Variants in NRG1 observed in about 807,000 individuals in gnomAD.
The protein encoded by NRG1 is neuregulin 1.
NRG1 carries 18 observed loss-of-function variants against 63.8 expected under a neutral mutation model. That is an observed-to-expected ratio of 0.28 (90% CI 0.19 to 0.42). The LOEUF is 0.42. NRG1 is among the 10% of genes least tolerant of loss of function. The pLI is 1.00. For missense variants in NRG1, 762 were observed against 814.7 expected, an observed-to-expected ratio of 0.94 and a Z score of 0.79; for synonymous variants, 302 against 301.3, an observed-to-expected ratio of 1.00 and a Z score of -0.02.
At chr8:32,521,688 G>C (rs1489719879) in intron 1 of NRG1, among the ~76,000 whole-genome samples, 1 of 152,162 alleles carries the variant, frequency 6.6e-6, no homozygotes, top group African/African-American at 2.4e-5. Flanking sequence ...TTCAAAGATT[G>C]AAACTGAGTG....
At chr8:32,466,894 G>A (rs1175946549) in intron 1 of NRG1, among the ~76,000 whole-genome samples, 1 of 151,876 alleles carries the variant, frequency 6.6e-6, no homozygotes, top group East Asian at 1.9e-4. Flanking sequence ...TAAGTAGAAT[G>A]ATAATATTAT....
intron 1 of NRG1, among the ~76,000 whole-genome samples, chr8:32,334,398 G>A (rs1167153668): frequency 1.3e-5 from 2 of 152,186 alleles, no homozygotes; most frequent in Non-Finnish European, 2.9e-5. Flanking sequence ...GAGGAGCAAA[G>A]TCTCTGATCA....
intron 1 of NRG1, among the ~76,000 whole-genome samples, chr8:31,848,652 T>TCAG (rs1046837528): frequency 6.6e-6 from 1 of 152,134 alleles, no homozygotes; most frequent in African/African-American, 2.4e-5. Flanking sequence ...TCCTGTCAGA[T>TCAG]CAGCAGCAGC....
rs140522969 is a variant in NRG1 at position 31,996,212 on chromosome 8, G to A, written c.37+356781G>A. Reference sequence around the variant, plus strand: ...TCATAAAATTTATACAGTCTTTAAGGTGCAAACACCTTGAAGGTAGAGACC... The same window carrying A: ...TCATAAAATTTATACAGTCTTTAAGATGCAAACACCTTGAAGGTAGAGACC... On this transcript the variant is annotated intron_variant, in intron 1 of 10. Coordinates refer to the NRG1 transcript ENST00000519301. Among the ~76,000 whole-genome samples, 18 of 151,446 alleles carry A rather than the reference G, an allele frequency of 1.2e-4. No homozygotes were observed. The East Asian group carries it at 3.3e-3, about 28-fold the overall frequency.
intron 1 of NRG1, among the ~76,000 whole-genome samples, chr8:32,179,491 T>C (rs1280155297): frequency 6.6e-6 from 1 of 152,208 alleles, no homozygotes; most frequent in East Asian, 1.9e-4. Flanking sequence ...GCTGAGAACA[T>C]AGTAAATGCT....
intron 1 of NRG1, among the ~76,000 whole-genome samples, chr8:31,761,658 TA>T (rs1480496005): frequency 5.9e-5 from 9 of 152,124 alleles, no homozygotes; most frequent in African/African-American, 2.2e-4. Context: ...TAACATTTGT[TA>T]AGTTGACCAT....
intron 1 of NRG1, among the ~76,000 whole-genome samples, chr8:32,123,207 G>GC (rs140196503): frequency 0.012 from 1,822 of 151,938 alleles, 43 homozygotes; most frequent in African/African-American, 0.042. Flanking sequence ...GTTGGCTGTG[G>GC]CCCCCTCCCA....
intron 5 of NRG1, among the ~76,000 whole-genome samples, chr8:32,639,569 T>TA (rs1418872037): frequency 6.6e-6 from 1 of 152,246 alleles, no homozygotes; most frequent in Admixed American, 6.5e-5. Flanking sequence ...GAATAGCTGG[T>TA]ACTCTCTTAT....
intron 1 of NRG1, among the ~76,000 whole-genome samples, chr8:32,437,484 T>C (rs1208616427): frequency 6.6e-6 from 1 of 152,212 alleles, no homozygotes; most frequent in East Asian, 1.9e-4. Flanking sequence ...GAAGCCTGGC[T>C]CTATGATCAG....
intron 1 of NRG1, among the ~76,000 whole-genome samples, chr8:32,278,851 T>G (rs1335163965): frequency 6.6e-6 from 1 of 152,190 alleles, no homozygotes; most frequent in African/African-American, 2.4e-5. Flanking sequence ...CACCCACCAC[T>G]GTGCAGGTGG....
intron 5 of NRG1, among the ~76,000 whole-genome samples, chr8:32,692,067 A>G (rs963780447): frequency 6.6e-6 from 1 of 152,204 alleles, no homozygotes; most frequent in African/African-American, 2.4e-5. Context: ...TTATTTCCAT[A>G]ACTTAATTAG....
At chr8:32,138,432 G>C (rs1267909531) in intron 1 of NRG1, among the ~76,000 whole-genome samples, 2 of 151,756 alleles carry the variant, frequency 1.3e-5, no homozygotes, top group East Asian at 3.9e-4. Flanking sequence ...TCAAAGACAT[G>C]CTGCCAATCA....
intron 1 of NRG1, among the ~76,000 whole-genome samples, chr8:31,946,186 T>G (rs1207705750): frequency 7.2e-5 from 11 of 152,224 alleles, no homozygotes; most frequent in Non-Finnish European, 2.9e-5. Flanking sequence ...CATTTTTCCT[T>G]TATTAAATCC....
chr8:31,744,615 G>T (rs1815666648), intron 1 of NRG1, among the ~76,000 whole-genome samples: 1 of 151,882 alleles, frequency 6.6e-6, no homozygotes. Context: ...GGATCTTGAT[G>T]CCTCAGGGCT....
intron 9 of NRG1, among the ~76,000 whole-genome samples, chr8:32,757,452 A>G (rs1829885686): frequency 6.6e-6 from 1 of 152,216 alleles, no homozygotes; most frequent in African/African-American, 2.4e-5. Context: ...TGAATGGAAC[A>G]GATATATCAT....
intron 5 of NRG1, among the ~76,000 whole-genome samples, chr8:32,635,165 A>G (rs545921665): frequency 2.0e-5 from 3 of 152,222 alleles, no homozygotes; most frequent in Non-Finnish European, 2.9e-5. Flanking sequence ...TTTAGAAGAA[A>G]AGGAAAACTA....
chr8:32,657,056 T>G (rs1018331831), intron 5 of NRG1, among the ~76,000 whole-genome samples: 1 of 151,996 alleles, frequency 6.6e-6, no homozygotes, highest in Non-Finnish European at 1.5e-5. Flanking sequence ...GTAAAAATCT[T>G]CATAATTTAT....
intron 1 of NRG1, among the ~76,000 whole-genome samples, chr8:31,863,554 T>C (rs900380023): frequency 2.6e-5 from 4 of 152,202 alleles, no homozygotes; most frequent in Admixed American, 6.5e-5. Context: ...GGTAAAAATG[T>C]TTCTATTCAA....
At chr8:31,914,643 G>A (rs1010742871) in intron 1 of NRG1, among the ~76,000 whole-genome samples, 3 of 152,144 alleles carry the variant, frequency 2.0e-5, no homozygotes, top group Admixed American at 6.6e-5. Flanking sequence ...CATACATAAT[G>A]TTAAGTTCAC....
Sources: allele counts gnomAD v4.1 joint callset (sites outside exome capture counted in the v4.1 genomes callset), GRCh38; gene constraint gnomAD v4.1.1; transcripts MANE v1.5; gene names NCBI Gene and HGNC (gene_info 2026-07-23, HGNC 2026-07-21).